PTPRD: variants seen among roughly 807,000 people sequenced by gnomAD.
PTPRD encodes the protein receptor-type tyrosine-protein phosphatase delta.
A neutral mutation model predicts 214.5 loss-of-function variants in PTPRD; 34 were observed. The ratio of observed to expected loss-of-function variants is 0.16; its 90% CI spans 0.12 to 0.21. PTPRD has a LOEUF of 0.21. Among genes scored for constraint, PTPRD ranks in the 10% least tolerant of loss-of-function variants. The pLI is 1.00. For missense variants in PTPRD, 2,545 were observed against 2,398.7 expected (o/e 1.06, Z -1.27); for synonymous variants, 1,128 against 845.7 (o/e 1.33, Z -5.79).
chr9:9,718,416 C>T (rs1362221650), intron 7 of PTPRD, among the ~76,000 whole-genome samples: 14 of 152,122 alleles, frequency 9.2e-5, no homozygotes. Flanking sequence ...GGGCTGTGTG[C>T]TCCATGGAAC....
At chr9:8,857,343 G>T (rs911553014) in intron 11 of PTPRD, among the ~76,000 whole-genome samples, 1 of 152,206 alleles carries the variant, frequency 6.6e-6, no homozygotes, top group African/African-American at 2.4e-5. Flanking sequence ...CCTAGGAGGA[G>T]AGAGCGGGGG....
intron 3 of PTPRD, among the ~76,000 whole-genome samples, chr9:10,068,733 T>G (rs146979664): frequency 2.8e-3 from 431 of 152,032 alleles, no homozygotes; most frequent in Non-Finnish European, 4.8e-3. Flanking sequence ...TATTTCCAAG[T>G]TGGAGCAGGT....
intron 12 of PTPRD, among the ~76,000 whole-genome samples, chr9:8,664,856 T>A (rs1487041111): frequency 6.6e-6 from 1 of 152,192 alleles, no homozygotes; most frequent in African/African-American, 2.4e-5. Context: ...CACAGAAAGG[T>A]ACACTTCAGC....
intron 11 of PTPRD, among the ~76,000 whole-genome samples, chr9:8,885,957 A>G (rs2098483969): frequency 6.6e-6 from 1 of 152,198 alleles, no homozygotes; most frequent in Non-Finnish European, 1.5e-5. Flanking sequence ...GCATCCATAT[A>G]CGACCTAGCA....
intron 11 of PTPRD, among the ~76,000 whole-genome samples, chr9:8,821,985 C>T (rs530514275): frequency 1.3e-5 from 2 of 152,232 alleles, no homozygotes; most frequent in Admixed American, 6.5e-5. Context: ...TTTAACAAGG[C>T]AAAAGTCTTT....
chr9:10,319,578 G>A (rs1328231665), intron 3 of PTPRD, among the ~76,000 whole-genome samples: 4 of 151,964 alleles, frequency 2.6e-5, no homozygotes, highest in Admixed American at 6.6e-5. Flanking sequence ...TTTTGTTAAA[G>A]AGAGTCACAC....
chr9:8,481,832 A>C (rs62534025), intron 30 of PTPRD, among the ~76,000 whole-genome samples: 9,504 of 152,216 alleles, frequency 0.062, 405 homozygotes, highest in South Asian at 0.13. Context: ...GCTCAGGCTG[A>C]AGTGCAGTGG....
intron 3 of PTPRD, among the ~76,000 whole-genome samples, chr9:10,185,034 G>T (rs1489492396): frequency 6.6e-6 from 1 of 152,092 alleles, no homozygotes; most frequent in African/African-American, 2.4e-5. Flanking sequence ...AAGTCAAGGA[G>T]ATTAATGCAG....
At chr9:10,343,237 C>T (rs1460031138) in intron 2 of PTPRD, among the ~76,000 whole-genome samples, 5 of 151,710 alleles carry the variant, frequency 3.3e-5, no homozygotes, top group African/African-American at 1.2e-4. Flanking sequence ...GTTTGGTTTT[C>T]TGTTCCTGTG....
chr9:9,442,855 G>A (rs1247179360), intron 8 of PTPRD, among the ~76,000 whole-genome samples: 1 of 151,906 alleles, frequency 6.6e-6, no homozygotes, highest in African/African-American at 2.4e-5. Context: ...GAATCTTTTT[G>A]GTATAATTAT....
intron 10 of PTPRD, among the ~76,000 whole-genome samples, chr9:9,053,106 C>T (rs1003310742): frequency 5.3e-5 from 8 of 152,082 alleles, no homozygotes; most frequent in Admixed American, 2.6e-4. Context: ...ATAACCTAAG[C>T]ATATTCATTT....
chr9:10,054,656 T>C (rs1045797220), intron 3 of PTPRD, among the ~76,000 whole-genome samples: 5 of 151,692 alleles, frequency 3.3e-5, no homozygotes, highest in African/African-American at 1.2e-4. Flanking sequence ...ACTGGGAGAG[T>C]AGGAGTCTAA....
At chr9:9,579,421 T>G (rs2090055862) in intron 7 of PTPRD, among the ~76,000 whole-genome samples, 1 of 152,176 alleles carries the variant, frequency 6.6e-6, no homozygotes, top group Admixed American at 6.5e-5. Flanking sequence ...AGTTGAGTTT[T>G]TAAAATAATT....
intron 7 of PTPRD, among the ~76,000 whole-genome samples, chr9:9,633,141 A>T (rs10977899): frequency 6.6e-6 from 1 of 151,868 alleles, no homozygotes; most frequent in Non-Finnish European, 1.5e-5. Context: ...CTAAAAATAC[A>T]AAAATTAAAC....
At chr9:8,508,646 A>T (rs528033669) in intron 21 of PTPRD, among the ~76,000 whole-genome samples, 2 of 152,342 alleles carry the variant, frequency 1.3e-5, no homozygotes, top group African/African-American at 4.8e-5. Flanking sequence ...GCTTTAAAAC[A>T]TCTAAAGTGG....
intron 9 of PTPRD, among the ~76,000 whole-genome samples, chr9:9,229,768 A>G (rs902910687): frequency 6.6e-6 from 1 of 152,038 alleles, no homozygotes; most frequent in Non-Finnish European, 1.5e-5. Flanking sequence ...TACACGTGCC[A>G]ACAAGGCTAT....
intron 8 of PTPRD, among the ~76,000 whole-genome samples, chr9:9,398,111 C>G (rs538891389): frequency 1.6e-4 from 24 of 151,808 alleles, no homozygotes; most frequent in African/African-American, 1.7e-4. Flanking sequence ...CCCTCCCTCC[C>G]TGCTTCTCTT....
intron 8 of PTPRD, among the ~76,000 whole-genome samples, chr9:9,570,774 A>T (rs2086127421): frequency 6.6e-6 from 1 of 151,686 alleles, no homozygotes; most frequent in Non-Finnish European, 1.5e-5. Flanking sequence ...GCTACCTAAA[A>T]CAGGCAAGAA....
rs547632644 is a variant in PTPRD at position 9,424,347 on chromosome 9, C to T, written c.-236-26865G>A. ...TGGTGCTGGTAATGTTCGAAAGAAG[C>T]AAACACTAAAATGGGATTTTGGAAT... is the stretch of plus-strand genomic sequence containing the variant. On this transcript the variant is annotated intron_variant, in intron 8 of 45. Transcript: ENST00000381196. 2.6e-5 allele frequency among the ~76,000 whole-genome samples: 4 copies of T among 152,286 alleles called. No homozygotes were observed. In the South Asian group the frequency reaches 8.3e-4, roughly 32 times the overall value.
Sources: allele counts gnomAD v4.1 joint callset (sites outside exome capture counted in the v4.1 genomes callset), GRCh38; gene constraint gnomAD v4.1.1; transcripts MANE v1.5; gene names NCBI Gene and HGNC (gene_info 2026-07-23, HGNC 2026-07-21).